DIS3L2: variants seen among roughly 807,000 people sequenced by gnomAD.
The protein encoded by DIS3L2 is DIS3-like exonuclease 2.
In DIS3L2, 34 loss-of-function variants were observed where a neutral mutation model predicts 97.5. The observed-to-expected ratio is 0.35, with a 90% confidence interval of 0.27 to 0.46. The LOEUF is 0.46. Ranked by LOEUF, DIS3L2 falls within the 20% of genes least tolerant of loss-of-function variation. DIS3L2 has a pLI of 1.00. For missense variants in DIS3L2, 1,038 were observed against 1,146.0 expected, an observed-to-expected ratio of 0.91 and a Z score of 1.36; for synonymous variants, 435 against 445.2, an observed-to-expected ratio of 0.98 and a Z score of 0.29.
intron 8 of DIS3L2, among the ~76,000 whole-genome samples, chr2:232,158,536 T>C (rs1206264215): frequency 2.0e-5 from 3 of 152,226 alleles, no homozygotes; most frequent in African/African-American, 4.8e-5. Flanking sequence ...ACTTTCAGTC[T>C]TAGAAATGAG....
At chr2:232,042,217 C>T (rs549034086) in intron 5 of DIS3L2, among the ~76,000 whole-genome samples, 1 of 151,896 alleles carries the variant, frequency 6.6e-6, no homozygotes, top group Non-Finnish European at 1.5e-5. Flanking sequence ...TGTTTCAAAC[C>T]TTCTTATGGT....
At chr2:231,981,634 A>ATATATATATG in intron 1 of DIS3L2, among the ~76,000 whole-genome samples, 2 of 138,220 alleles carry the variant, frequency 1.4e-5, no homozygotes, top group African/African-American at 5.4e-5. Flanking sequence ...ATATATATAT[A>ATATATATATG]TATGAGACAT....
intron 6 of DIS3L2, among the ~76,000 whole-genome samples, chr2:232,095,079 T>C (rs1026838495): frequency 6.6e-6 from 1 of 152,206 alleles, no homozygotes; most frequent in Non-Finnish European, 1.5e-5. Flanking sequence ...AGGCAGCAGA[T>C]CATTGCATCT....
intron 8 of DIS3L2, among the ~76,000 whole-genome samples, chr2:232,140,452 C>T (rs945616006): frequency 1.3e-5 from 2 of 152,200 alleles, no homozygotes; most frequent in Non-Finnish European, 2.9e-5. Context: ...GAAGATGTTG[C>T]ACCATGAATC....
chr2:231,994,993 C>T (rs192628050), intron 1 of DIS3L2, among the ~76,000 whole-genome samples: 8 of 151,630 alleles, frequency 5.3e-5, no homozygotes, highest in East Asian at 1.9e-4. Context: ...TTTGTAGAGA[C>T]GAGATCTCAC....
rs1050007543 is a variant in DIS3L2, at chr2:232,293,033, C to T, written c.1660-7007C>T. On this transcript the variant is annotated intron_variant, in intron 13 of 20. Coordinates refer to ENST00000325385, the MANE Select transcript of DIS3L2 (RefSeq NM_152383.5). This position sits in a 1 kb window ranked among gnomAD's most constrained non-coding sequence, Gnocchi z 4.6. ...GAAGTCTGAGTGGCTGCCATTCTTG[C>T]AGGCTGACTTCCCAAGCTGAGCTGC... 6.6e-6 allele frequency among the ~76,000 whole-genome samples: 1 copy of T among 152,144 alleles called. No individual in the cohort carries two copies. Among genetic ancestry groups the T allele is most frequent in the African/African-American group, 2.4e-5 (1 of 41,426 alleles).
At chr2:232,290,862 T>A (rs1694582319) in intron 13 of DIS3L2, among the ~76,000 whole-genome samples, 1 of 152,122 alleles carries the variant, frequency 6.6e-6, no homozygotes, top group African/African-American at 2.4e-5. Flanking sequence ...TGAATAGGGT[T>A]TAGTTTGATG....
intron 1 of DIS3L2, among the ~76,000 whole-genome samples, chr2:232,000,613 TTTTCCTTTCCTTTCC>T (rs71056250): frequency 0.057 from 6,137 of 107,316 alleles, 229 homozygotes; most frequent in East Asian, 0.15. Context: ...CTTTCCTTTC[TTTTCCTTTCCTTTCC>T]TTTCCTTTCC....
chr2:232,341,259 G>C (rs894389077), downstream of DIS3L2, among the ~76,000 whole-genome samples: 1 of 152,228 alleles, frequency 6.6e-6, no homozygotes, highest in African/African-American at 2.4e-5. Flanking sequence ...ACAGTGGTGA[G>C]GGAGCAGCTC....
At chr2:232,196,044 A>C (rs1282688015) in intron 9 of DIS3L2, among the ~76,000 whole-genome samples, 13 of 152,196 alleles carry the variant, frequency 8.5e-5, no homozygotes, top group Non-Finnish European at 7.4e-5. Context: ...GGCAAGATGG[A>C]ATCTGTTAGG....
chr2:232,313,409 T>G (rs1695186406), intron 14 of DIS3L2, among the ~76,000 whole-genome samples: 2 of 152,246 alleles, frequency 1.3e-5, no homozygotes, highest in South Asian at 4.1e-4. Context: ...CATTTTAACC[T>G]TGTGAGGAGG....
intron 13 of DIS3L2, among the ~76,000 whole-genome samples, chr2:232,284,780 C>T (rs906545112): frequency 1.6e-4 from 25 of 152,278 alleles, no homozygotes; most frequent in African/African-American, 5.5e-4. Context: ...ACCATGCAGG[C>T]CCCTCTACCA....
intron 14 of DIS3L2, among the ~76,000 whole-genome samples, chr2:232,319,545 C>T (rs913154086): frequency 5.9e-5 from 9 of 152,212 alleles, no homozygotes; most frequent in African/African-American, 2.2e-4. Flanking sequence ...CAGGCAGAGG[C>T]AGCTGGACTG....
intron 11 of DIS3L2, among the ~76,000 whole-genome samples, chr2:232,246,539 G>A (rs1411319794): frequency 6.6e-6 from 1 of 152,228 alleles, no homozygotes. Flanking sequence ...AGCATCTTCA[G>A]TATTGTTCTA....
intron 1 of DIS3L2, among the ~76,000 whole-genome samples, chr2:232,004,855 T>C (rs1694007999): frequency 6.6e-6 from 1 of 152,222 alleles, no homozygotes; most frequent in African/African-American, 2.4e-5. Flanking sequence ...GTGCGAGGAT[T>C]ACAGGCATGA....
intron 9 of DIS3L2, among the ~76,000 whole-genome samples, chr2:232,202,051 T>G (rs939010392): frequency 6.6e-6 from 1 of 152,194 alleles, no homozygotes; most frequent in Non-Finnish European, 1.5e-5. Flanking sequence ...GATCTCTGGC[T>G]CCCACAGTCC....
intron 6 of DIS3L2, chr2:232,111,061 T>C (rs1697512560): frequency 1.7e-5 from 6 of 358,982 alleles, no homozygotes; most frequent in Non-Finnish European, 1.7e-5. Context: ...GATAGGAAAT[T>C]AATGATAGAT....
At chr2:232,044,014 T>C (rs1695174070) in intron 5 of DIS3L2, among the ~76,000 whole-genome samples, 2 of 152,164 alleles carry the variant, frequency 1.3e-5, no homozygotes, top group Admixed American at 1.3e-4. Flanking sequence ...ATATGGTAGA[T>C]TTGGAAAACT....
chr2:232,115,890 C>T (rs904357599), intron 6 of DIS3L2, among the ~76,000 whole-genome samples: 12 of 152,056 alleles, frequency 7.9e-5, no homozygotes, highest in Admixed American at 6.6e-4. Flanking sequence ...ACAAGGCTGG[C>T]GCGGTGGCTC....
Sources: gnomAD v4.1 joint callset for allele counts (sites outside exome capture counted in the v4.1 genomes callset) on GRCh38, gnomAD v4.1.1 for gene constraint, Gnocchi (gnomAD v3.1) non-coding constraint, MANE v1.5 for transcripts, NCBI Gene and HGNC (gene_info 2026-07-23, HGNC 2026-07-21) for gene names.